Variants in SEMA3A observed in about 807,000 individuals in gnomAD.
The protein encoded by SEMA3A is semaphorin-3A.
Under a neutral mutation model 97.9 loss-of-function variants are expected in SEMA3A, and 29 were observed. The ratio of observed to expected loss-of-function variants is 0.30; its 90% CI spans 0.22 to 0.40. The LOEUF (loss-of-function observed/expected upper bound fraction) is 0.40. Among genes scored for constraint, SEMA3A ranks in the 10% least tolerant of loss-of-function variants. The pLI is 1.00. For synonymous variants in SEMA3A, 321 were observed against 323.7 expected, an observed-to-expected ratio of 0.99 and a Z score of 0.09; for missense variants, 763 against 951.3, an observed-to-expected ratio of 0.80 and a Z score of 2.60.
chr7:84,236,872 A>T (rs938601258), intron 3 of SEMA3A, among the ~76,000 whole-genome samples: 1 of 152,124 alleles, frequency 6.6e-6, no homozygotes, highest in African/African-American at 2.4e-5. Flanking sequence ...AGTCACCTTC[A>T]TGATTGTGAA....
chr7:84,470,129 G>C (rs1487782486), intron 1 of SEMA3A, among the ~76,000 whole-genome samples: 3 of 151,884 alleles, frequency 2.0e-5, no homozygotes, highest in Non-Finnish European at 4.4e-5. Flanking sequence ...ATCTAACAAA[G>C]AATGAAAAGG....
In SEMA3A at chr7:84,278,048, T is replaced by G. The variant is rs375473118; in HGVS notation, c.-83+29159A>C. Among the ~76,000 whole-genome samples, 110 of 152,276 alleles carry G rather than the reference T, an allele frequency of 7.2e-4. 1 individual carries two copies. In the East Asian group the frequency reaches 0.013, roughly 18 times the overall value. On this transcript the variant is annotated intron_variant, in intron 3 of 3. Transcript: ENST00000424555. ...TTTCAACTTAAAGTCATTTATTTCC[T>G]CCTGCATATGAGTATTGGTTGTTAG... is the stretch of plus-strand genomic sequence containing the variant.
intron 1 of SEMA3A, among the ~76,000 whole-genome samples, chr7:84,189,480 G>A (rs1797978120): frequency 6.6e-6 from 1 of 151,716 alleles, no homozygotes; most frequent in East Asian, 1.9e-4. Flanking sequence ...TTGTGAAGGT[G>A]TGGTATTTTG....
chr7:84,062,610 G>C (rs188063819), intron 4 of SEMA3A, among the ~76,000 whole-genome samples: 3 of 152,354 alleles, frequency 2.0e-5, no homozygotes, highest in African/African-American at 7.2e-5. Flanking sequence ...CACTTGGGAA[G>C]CGCAAGGGGT....
At chr7:84,282,075 C>T (rs1800451365) in intron 3 of SEMA3A, among the ~76,000 whole-genome samples, 1 of 152,162 alleles carries the variant, frequency 6.6e-6, no homozygotes, top group Admixed American at 6.6e-5. Context: ...CCCTTAACTG[C>T]ACCAACGTTG....
intron 3 of SEMA3A, among the ~76,000 whole-genome samples, chr7:84,255,699 C>T (rs1459554641): frequency 1.3e-5 from 2 of 151,956 alleles, no homozygotes; most frequent in East Asian, 3.9e-4. Flanking sequence ...TCATTATCAG[C>T]CTCATTATGA....
intron 5 of SEMA3A, among the ~76,000 whole-genome samples, chr7:84,052,445 T>A (rs949966778): frequency 3.3e-5 from 5 of 152,058 alleles, no homozygotes; most frequent in Admixed American, 2.6e-4. Flanking sequence ...CTTGGGAGAG[T>A]GTATGTGTCG....
chr7:83,991,466 T>C (rs1222242291), intron 12 of SEMA3A, among the ~76,000 whole-genome samples: 2 of 150,732 alleles, frequency 1.3e-5, no homozygotes, highest in Non-Finnish European at 3.0e-5. Context: ...ATGTCATAGA[T>C]AGCTCTTATT....
intron 1 of SEMA3A, among the ~76,000 whole-genome samples, chr7:84,388,903 A>G (rs1803469984): frequency 6.6e-6 from 1 of 152,080 alleles, no homozygotes. Flanking sequence ...AAGTGATTAT[A>G]AACAAAAGTA....
At chr7:84,249,582 C>T (rs1206106763) in intron 3 of SEMA3A, among the ~76,000 whole-genome samples, 1 of 151,446 alleles carries the variant, frequency 6.6e-6, no homozygotes, top group Non-Finnish European at 1.5e-5. Flanking sequence ...GTTTATAGTG[C>T]TAAAAATGTA....
intron 6 of SEMA3A, among the ~76,000 whole-genome samples, chr7:84,044,708 G>C (rs1012972842): frequency 1.3e-5 from 2 of 151,954 alleles, no homozygotes; most frequent in African/African-American, 2.4e-5. Context: ...GAAACATTGA[G>C]GAAACAAGTC....
At chr7:84,131,695 G>A (rs1452397147) in intron 2 of SEMA3A, among the ~76,000 whole-genome samples, 1 of 152,100 alleles carries the variant, frequency 6.6e-6, no homozygotes, top group African/African-American at 2.4e-5. Context: ...TAGGCGCTTA[G>A]AAGAAAGCTA....
chr7:83,967,414 T>C (rs1788742495), intron 15 of SEMA3A, among the ~76,000 whole-genome samples: 1 of 152,126 alleles, frequency 6.6e-6, no homozygotes, highest in African/African-American at 2.4e-5. Flanking sequence ...TCGGTTCCTA[T>C]CTTATAACCT....
At chr7:83,997,701 A>G (rs1790274115) in intron 12 of SEMA3A, among the ~76,000 whole-genome samples, 1 of 152,062 alleles carries the variant, frequency 6.6e-6, no homozygotes, top group Non-Finnish European at 1.5e-5. Context: ...GCATAGTATT[A>G]TTAATTTACA....
At chr7:84,078,586 G>A (rs908199707) in intron 4 of SEMA3A, among the ~76,000 whole-genome samples, 10 of 151,958 alleles carry the variant, frequency 6.6e-5, no homozygotes, top group African/African-American at 2.4e-4. Context: ...CATGGTGGAG[G>A]TACTATATAG....
intron 1 of SEMA3A, among the ~76,000 whole-genome samples, chr7:84,140,697 G>A (rs1485355282): frequency 6.6e-6 from 1 of 152,074 alleles, no homozygotes; most frequent in Non-Finnish European, 1.5e-5. Context: ...AGTTCAGTAA[G>A]GTCCAACAGT....
intron 1 of SEMA3A, among the ~76,000 whole-genome samples, chr7:84,417,008 T>G (rs925849952): frequency 6.6e-6 from 1 of 152,064 alleles, no homozygotes; most frequent in South Asian, 2.1e-4. Flanking sequence ...TAAAAACTTT[T>G]TTTAAACTTT....
At chr7:84,431,373 T>C (rs1487555401) in intron 1 of SEMA3A, among the ~76,000 whole-genome samples, 2 of 152,026 alleles carry the variant, frequency 1.3e-5, no homozygotes, top group African/African-American at 2.4e-5. Flanking sequence ...TGAGTGCTAT[T>C]TGATGTTTAA....
intron 3 of SEMA3A, among the ~76,000 whole-genome samples, chr7:84,285,986 A>AAG (rs1554357942): frequency 2.0e-5 from 3 of 150,576 alleles, no homozygotes; most frequent in Admixed American, 2.0e-4. Flanking sequence ...AAAAAAAAAA[A>AAG]AAGAAGAAGA....
Sources: gnomAD v4.1 joint callset for allele counts (sites outside exome capture counted in the v4.1 genomes callset) on GRCh38, gnomAD v4.1.1 for gene constraint, MANE v1.5 for transcripts, NCBI Gene and HGNC (gene_info 2026-07-23, HGNC 2026-07-21) for gene names.